The following MAN1B1 variants were observed in gnomAD, a reference collection of about 807,000 sequenced individuals.
The protein encoded by MAN1B1 is endoplasmic reticulum mannosyl-oligosaccharide 1,2-alpha-mannosidase.
MAN1B1 carries 66 observed loss-of-function variants against 75.5 expected under a neutral mutation model. The observed-to-expected ratio is 0.87, with a 90% CI of 0.72 to 1.07. The LOEUF (loss-of-function observed/expected upper bound fraction) is 1.07. MAN1B1 is among the 50% of genes least tolerant of loss of function. The pLI is 0.00. For synonymous variants in MAN1B1, 453 were observed against 382.8 expected, an observed-to-expected ratio of 1.18 and a Z score of -2.14; for missense variants, 973 against 912.5, an observed-to-expected ratio of 1.07 and a Z score of -0.85.
chr9:137,091,715 A>G lies in MAN1B1; in HGVS notation c.465+2710A>G, dbSNP rs528564468. Reference sequence around the variant, plus strand: ...CTAATTTTTTGTATTTTTAGTAGAGACGGGGTTTCACCGTGTTAGCCAGGA... The same window carrying G: ...CTAATTTTTTGTATTTTTAGTAGAGGCGGGGTTTCACCGTGTTAGCCAGGA... On this transcript the variant is annotated intron_variant, in intron 3 of 12. Transcript: ENST00000371589. 2.0e-4 allele frequency among the ~76,000 whole-genome samples: 31 copies of G among 151,232 alleles called. No homozygotes were observed. The East Asian group carries it at 6.0e-3, about 29-fold the overall frequency.
At position 137,099,845 on chromosome 9, in the gene MAN1B1, G is replaced by C. The variant is rs1464254450; in HGVS notation, c.880G>C (p.Ala294Pro). The C allele has an allele frequency of 1.9e-6, 3 of 1,614,216 alleles. No individual in the cohort carries two copies. Among genetic ancestry groups the C allele is most frequent in the Non-Finnish European group, 1.7e-6 (2 of 1,180,048 alleles). Residue 294 changes from alanine (A) to proline (P), a missense_variant, in exon 6 of 13, where the codon GCG (alanine) becomes CCG (proline). Coordinates refer to ENST00000371589, the MANE Select transcript of MAN1B1 (RefSeq NM_016219.5). The stretch of plus-strand genomic sequence containing the variant: ...TGGCCTCGGTCTCACACTGATCGAC[G>C]CGCTGGACACCATGTGGATCTTGGG... ...WFGLGLTLID[A>P]LDTMWILGLR...
chr9:137,102,924 T>C, intron 8 of MAN1B1: 1 of 417,740 alleles, frequency 2.4e-6, no homozygotes, highest in Non-Finnish European at 4.7e-6. Context: ...ACATTCACGC[T>C]GTTGCAGGCA....
chr9:137,105,663 C>T (rs9411308), intron 8 of MAN1B1: 144,269 of 331,572 alleles, frequency 0.44, 32,665 homozygotes, highest in East Asian at 0.68. Context: ...GTGGCTGTGA[C>T]TTGGAGGATG....
chr9:137,097,754 A>C, intron 4 of MAN1B1, 74 bp from the exon 5 acceptor site: 1 of 1,146,558 alleles, frequency 8.7e-7, no homozygotes, highest in Non-Finnish European at 1.3e-6. Context: ...GGCCGTGGGT[A>C]TGGAGCGTGG....
intron 8 of MAN1B1, chr9:137,103,363 G>T: frequency 2.2e-6 from 1 of 446,768 alleles, no homozygotes; most frequent in Non-Finnish European, 4.5e-6. Context: ...CAGACGTGCA[G>T]GTCAGTGGTG....
Position 137,096,369 on chromosome 9 carries a change from G to C in MAN1B1, c.598G>C (p.Asp200His). Residue 200 changes from aspartate to histidine, a missense_variant, in exon 4 of 13, where the codon GAT (aspartate) becomes CAT (histidine). Transcript: ENST00000371589. The part of the protein sequence containing the change: ...EAPVDPRPEG[D>H]PQRTVISWRG... ...CCCTGTGGATCCCCGCCCGGAAGGA[G>C]ATCCGCAGAGGACAGTCATCAGGTA... The C allele has an allele frequency of 1.2e-6, 2 of 1,613,804 alleles. No individual in the cohort carries two copies. The highest frequency in any genetic ancestry group is 1.1e-5 in the South Asian group (1 of 91,076).
At chr9:137,096,503 G>T in intron 4 of MAN1B1, 112 bp downstream of exon 4, 1 of 1,368,572 alleles carries the variant, frequency 7.3e-7, no homozygotes, top group Non-Finnish European at 1.0e-6. Flanking sequence ...AACTGACAGT[G>T]TATGCTCTGT....
At chr9:137,087,968 C>A in intron 1 of MAN1B1, 107 bp from the exon 2 acceptor site, 3 of 922,108 alleles carry the variant, frequency 3.3e-6, no homozygotes, top group Non-Finnish European at 5.4e-6. Flanking sequence ...TAGAGCTGAA[C>A]ACTGGATCTT....
intron 3 of MAN1B1, among the ~76,000 whole-genome samples, chr9:137,095,384 A>G (rs1184115041): frequency 6.6e-6 from 1 of 152,024 alleles, no homozygotes; most frequent in Non-Finnish European, 1.5e-5. Flanking sequence ...AAAAAAAAAA[A>G]AAGTGGAGCA....
In MAN1B1 at chr9:137,107,056, G is replaced by A. The variant is rs1831136295; in HGVS notation, c.1567-194G>A. The A allele has an allele frequency of 7.9e-6, 6 of 756,124 alleles. No individual in the cohort carries two copies. The South Asian group carries it at 1.1e-4, about 14-fold the overall frequency. 46.8% of individuals were successfully genotyped at this position (756,124 alleles called of 1,614,324 possible). On this transcript the variant is annotated intron_variant, in intron 10 of 12. Coordinates refer to ENST00000371589, the MANE Select transcript of MAN1B1 (RefSeq NM_016219.5). ...GTGCCCGGTGTGTAGCAGGTCCTCGGGCGGTGTGTGGGGGCCGGGTTGGAG... is the reference window on the plus strand; with the variant it reads ...GTGCCCGGTGTGTAGCAGGTCCTCGAGCGGTGTGTGGGGGCCGGGTTGGAG...
At chr9:137,101,189 G>T (rs780891930) in intron 7 of MAN1B1, 36 bp downstream of exon 7, 1 of 1,612,276 alleles carries the variant, frequency 6.2e-7, no homozygotes, top group East Asian at 2.2e-5. Context: ...GGAGATGGTG[G>T]ACTCGCATTC....
At position 137,097,925 on chromosome 9, in the gene MAN1B1, CAG is replaced by C. The variant is rs1450646858; in HGVS notation, c.719_720del (p.Gln240ArgfsTer15). On this transcript the variant is annotated frameshift_variant, in exon 5 of 13. Transcript: ENST00000371589. LOFTEE classifies it high-confidence loss of function. ...GCCTCCCCTGCCACCGGCCAGGACA[CAG>C]GGCACACCAGGTGAGGCCACACCTG... ...TKPPLPPART[Q>X]GTPVHLNYRQ... 5.8e-6 allele frequency: 9 copies of C among 1,556,164 alleles called. No homozygotes were observed. Among genetic ancestry groups the C allele is most frequent in the South Asian group, 1.2e-5 (1 of 84,328 alleles).
intron 1 of MAN1B1, chr9:137,087,430 G>A: frequency 1.4e-6 from 1 of 721,298 alleles, no homozygotes. Flanking sequence ...CAAATTCTGC[G>A]GGGCGGTGGT....
Position 137,101,486 on chromosome 9 carries a change from G to T in MAN1B1, c.1068G>T (p.Glu356Asp). 6.2e-7 allele frequency: 1 copy of T among 1,613,774 alleles called. No individual in the cohort carries two copies. Among genetic ancestry groups the T allele is most frequent in the Non-Finnish European group, 8.5e-7 (1 of 1,180,014 alleles). Residue 356 changes from glutamate to aspartate, a missense_variant and splice_region_variant, in exon 8 of 13, where the codon GAG becomes GAT. Transcript: ENST00000371589. ...SGDSLFLRKA[E>D]DFGNRLMPAF... ...TCTCTACTCTGCTCATATACCAGGA[G>T]GATTTTGGAAATCGGCTAATGCCTG...
At chr9:137,091,089 A>G (rs957983053) in intron 3 of MAN1B1, among the ~76,000 whole-genome samples, 2 of 152,182 alleles carry the variant, frequency 1.3e-5, no homozygotes, top group Non-Finnish European at 2.9e-5. Context: ...CCACTGCTCC[A>G]CACTCTTCGG....
In MAN1B1 at chr9:137,092,562, T is replaced by G. The variant is rs561466385; in HGVS notation, c.465+3557T>G. 3.3e-5 allele frequency among the ~76,000 whole-genome samples: 5 copies of G among 152,380 alleles called. No homozygotes were observed. In the South Asian group the frequency reaches 1.0e-3, roughly 32 times the overall value. On this transcript the variant is annotated intron_variant, in intron 3 of 12. Transcript: ENST00000371589. ...GATAAACCATCATTTTCTAAATCAT[T>G]TATCTGTTGATTCTTTCTTCATTTG... is the stretch of plus-strand genomic sequence containing the variant.
At position 137,108,646 on chromosome 9, in the gene MAN1B1, CTG is replaced by C. The variant is rs781269340; in HGVS notation, c.*58_*59del. The C allele has an allele frequency of 3.8e-6, 6 of 1,562,918 alleles. No homozygotes were observed. The highest frequency in any genetic ancestry group is 4.4e-6 in the Non-Finnish European group (5 of 1,134,814). On this transcript the variant is annotated 3_prime_UTR_variant, in exon 13 of 13. Transcript: ENST00000371589. ...GGTGGGCAGAGGCACCTTGCTGGGT[CTG>C]TGGCATTTTCCAAGGGCCCACGTAG...
At chr9:137,092,686 G>A (rs1298914421) in intron 3 of MAN1B1, among the ~76,000 whole-genome samples, 1 of 152,172 alleles carries the variant, frequency 6.6e-6, no homozygotes, top group Admixed American at 6.5e-5. Context: ...AACTATTCCC[G>A]AATTTGCTTC....
chr9:137,098,555 C>T (rs914031889), intron 5 of MAN1B1, among the ~76,000 whole-genome samples: 2 of 152,302 alleles, frequency 1.3e-5, no homozygotes, highest in South Asian at 2.1e-4. Flanking sequence ...GGACTCCCAG[C>T]CCCGGGCCTG....
Sources: gnomAD v4.1 joint callset for allele counts (sites outside exome capture counted in the v4.1 genomes callset) on GRCh38, gnomAD v4.1.1 for gene constraint, MANE v1.5 for transcripts, NCBI Gene and HGNC (gene_info 2026-07-23, HGNC 2026-07-21) for gene names.